TBC1D5: variants seen among roughly 807,000 people sequenced by gnomAD.
TBC1D5 encodes TBC1 domain family, member 5.
A neutral mutation model predicts 100.3 loss-of-function variants in TBC1D5; 75 were observed. The observed-to-expected ratio is 0.75, with a 90% CI of 0.62 to 0.91. TBC1D5 has a LOEUF of 0.91. Among genes scored for constraint, TBC1D5 ranks in the 40% least tolerant of loss-of-function variants. The probability of loss-of-function intolerance (pLI) is 0.00; values close to 1 mark genes in which losing one functional copy is unlikely to be tolerated. For missense variants in TBC1D5, 910 were observed against 942.4 expected, an observed-to-expected ratio of 0.97 and a Z score of 0.45; for synonymous variants, 323 against 325.6, an observed-to-expected ratio of 0.99 and a Z score of 0.09.
At chr3:17,166,189 A>T (rs550362221) in intron 21 of TBC1D5, among the ~76,000 whole-genome samples, 1 of 152,196 alleles carries the variant, frequency 6.6e-6, no homozygotes, top group East Asian at 1.9e-4. Flanking sequence ...CAAAAAGAAG[A>T]TACAAAGAAA....
intron 3 of TBC1D5, among the ~76,000 whole-genome samples, chr3:17,482,094 G>A (rs936142242): frequency 6.6e-6 from 1 of 152,120 alleles, no homozygotes; most frequent in Non-Finnish European, 1.5e-5. Context: ...TTAAATAAAC[G>A]CCTTCAGAAC....
chr3:17,506,859 C>T (rs1489508744), intron 3 of TBC1D5, among the ~76,000 whole-genome samples: 1 of 151,406 alleles, frequency 6.6e-6, no homozygotes, highest in Non-Finnish European at 1.5e-5. Context: ...ACTAAAAACA[C>T]AAAAAAATTA....
intron 8 of TBC1D5, among the ~76,000 whole-genome samples, chr3:17,385,420 T>C (rs1191998823): frequency 6.6e-6 from 1 of 152,058 alleles, no homozygotes; most frequent in African/African-American, 2.4e-5. Context: ...GGCTGTTTTA[T>C]GTTTTACATC....
At chr3:17,436,230 A>G (rs1368340766) in intron 3 of TBC1D5, among the ~76,000 whole-genome samples, 1 of 152,222 alleles carries the variant, frequency 6.6e-6, no homozygotes, top group Non-Finnish European at 1.5e-5. Flanking sequence ...AATATCTCAG[A>G]TTCCTCATCT....
intron 13 of TBC1D5, among the ~76,000 whole-genome samples, chr3:17,351,580 C>T (rs941619694): frequency 7.2e-5 from 11 of 151,872 alleles, no homozygotes; most frequent in South Asian, 4.2e-4. Context: ...GGCCTTTCAG[C>T]GGGTGGGGAG....
chr3:17,511,178 G>C (rs149072799), intron 2 of TBC1D5, among the ~76,000 whole-genome samples: 1 of 151,920 alleles, frequency 6.6e-6, no homozygotes, highest in East Asian at 1.9e-4. Context: ...CAAATTAAAA[G>C]AAAAATACTG....
At chr3:17,731,437 C>T (rs986192664) in intron 1 of TBC1D5, among the ~76,000 whole-genome samples, 3 of 140,702 alleles carry the variant, frequency 2.1e-5, no homozygotes, top group East Asian at 2.2e-4. Flanking sequence ...ACCCGGGAGG[C>T]GGAGGTTGCA....
rs1022173853 is a variant in TBC1D5 at position 17,174,204 on chromosome 3, A to C, written c.1853-6376T>G. Among the ~76,000 whole-genome samples the C allele has an allele frequency of 3.3e-5, 5 of 151,452 alleles. No individual in the cohort carries two copies. The East Asian group carries it at 9.7e-4, about 29-fold the overall frequency. On this transcript the variant is annotated intron_variant, in intron 19 of 21. Transcript: ENST00000253692. The stretch of plus-strand genomic sequence containing the variant: ...TTGGGTCCCTCTTGCTTTATCTCTC[A>C]CTCTTGGACAATAATTCAATGATGA...
chr3:17,705,109 CACCT>C (rs2073888383), intron 1 of TBC1D5, among the ~76,000 whole-genome samples: 2 of 129,204 alleles, frequency 1.5e-5, no homozygotes, highest in East Asian at 2.5e-4. Flanking sequence ...GCTGACCCCC[CACCT>C]CCCTCCCGGA....
intron 1 of TBC1D5, among the ~76,000 whole-genome samples, chr3:17,713,240 TTTTC>T (rs1478933842): frequency 2.6e-5 from 4 of 151,108 alleles, no homozygotes; most frequent in Admixed American, 2.6e-4. Flanking sequence ...TTTTCTTTTC[TTTTC>T]TTTTTTTTTT....
chr3:17,674,784 G>A (rs879733745), intron 1 of TBC1D5, among the ~76,000 whole-genome samples: 52 of 152,006 alleles, frequency 3.4e-4, no homozygotes, highest in Non-Finnish European at 5.2e-4. Context: ...TGGAAGTTGG[G>A]GAGATGAAGT....
rs145557995 is a variant in TBC1D5 at position 17,325,473 on chromosome 3, G to A, written c.996-17339C>T. On this transcript the variant is annotated intron_variant, in intron 13 of 21. Transcript: ENST00000253692. ...GAGTAGCTGGGATTTACAGGCATGCGCCTCCATGCCCAGCTAAGTTTTGTA... is the reference window on the plus strand; with the variant it reads ...GAGTAGCTGGGATTTACAGGCATGCACCTCCATGCCCAGCTAAGTTTTGTA... Among the ~76,000 whole-genome samples, 1,343 of 152,054 alleles carry A rather than the reference G, an allele frequency of 8.8e-3. 17 individuals carry two copies. Among genetic ancestry groups the A allele is most frequent in the South Asian group, 0.023 (112 of 4,812 alleles).
chr3:17,403,366 C>T, intron 7 of TBC1D5, 118 bp from the exon 8 acceptor site: 1 of 595,258 alleles, frequency 1.7e-6, no homozygotes. Context: ...TTTCACATTG[C>T]AGATAGAAAA....
intron 13 of TBC1D5, among the ~76,000 whole-genome samples, chr3:17,371,593 G>C (rs553948494): frequency 1.5e-4 from 23 of 152,238 alleles, no homozygotes; most frequent in Non-Finnish European, 3.1e-4. Context: ...AGTATTAGAT[G>C]AGATACCATA....
chr3:17,190,628 C>T (rs1478805472), intron 18 of TBC1D5, among the ~76,000 whole-genome samples: 1 of 152,118 alleles, frequency 6.6e-6, no homozygotes, highest in Non-Finnish European at 1.5e-5. Context: ...GTTTGACATG[C>T]AGACTACTGT....
At chr3:17,289,213 T>C (rs2081468814) in intron 15 of TBC1D5, among the ~76,000 whole-genome samples, 1 of 152,144 alleles carries the variant, frequency 6.6e-6, no homozygotes, top group Non-Finnish European at 1.5e-5. Context: ...CGCTTGCCCA[T>C]GCACCCCCTC....
chr3:17,608,577 G>A (rs553759966), intron 2 of TBC1D5, among the ~76,000 whole-genome samples: 1 of 152,158 alleles, frequency 6.6e-6, no homozygotes, highest in African/African-American at 2.4e-5. Flanking sequence ...GTCTTCTTCA[G>A]TTGGGTTAAC....
At chr3:17,728,439 T>A (rs992501580) in intron 1 of TBC1D5, among the ~76,000 whole-genome samples, 3 of 152,038 alleles carry the variant, frequency 2.0e-5, no homozygotes, top group Admixed American at 6.6e-5. Flanking sequence ...CCAAAAAAAA[T>A]TCATAAAGAG....
chr3:17,304,697 T>C (rs188014428), intron 14 of TBC1D5, among the ~76,000 whole-genome samples: 1 of 152,186 alleles, frequency 6.6e-6, no homozygotes, highest in Admixed American at 6.6e-5. Context: ...CGAGCCACCA[T>C]GCTTGGCTTT....
Sources: allele counts gnomAD v4.1 joint callset (sites outside exome capture counted in the v4.1 genomes callset), GRCh38; gene constraint gnomAD v4.1.1; transcripts MANE v1.5; gene names NCBI Gene and HGNC (gene_info 2026-07-23, HGNC 2026-07-21).